GSKIP: variants seen among roughly 807,000 people sequenced by gnomAD.
The protein encoded by GSKIP is GSK3B interacting protein.
Under a neutral mutation model 11.9 loss-of-function variants are expected in GSKIP, and 5 were observed. That is an observed-to-expected ratio of 0.42 (90% CI 0.22 to 0.89). GSKIP has a LOEUF of 0.89. Among genes scored for constraint, GSKIP ranks in the 40% least tolerant of loss-of-function variants. GSKIP has a pLI of 0.29. For synonymous variants in GSKIP, 70 were observed against 62.9 expected (o/e 1.11, Z -0.54); for missense variants, 150 against 166.6 (o/e 0.90, Z 0.55).
chr14:96,374,482 A>G lies in GSKIP; in HGVS notation c.-102-5206A>G, dbSNP rs141346947. ...AGGAACAAAGATAACAATCACATCA[A>G]ATGTTTCATGGGAAACAAGACAAGC... is the stretch of plus-strand genomic sequence containing the variant. On this transcript the variant is annotated intron_variant, in intron 1 of 3. Transcript: ENST00000555181. 6.4e-3 allele frequency among the ~76,000 whole-genome samples: 971 copies of G among 152,290 alleles called. 14 individuals are homozygous for G. The highest frequency in any genetic ancestry group is 0.022 in the African/African-American group (908 of 41,566).
intron 3 of GSKIP, among the ~76,000 whole-genome samples, chr14:96,383,416 T>C (rs1263302066): frequency 6.6e-6 from 1 of 151,882 alleles, no homozygotes; most frequent in Non-Finnish European, 1.5e-5. Flanking sequence ...AAAACTATTA[T>C]AAAATCTTTG....
At chr14:96,377,790 C>G (rs1253556466) in intron 1 of GSKIP, among the ~76,000 whole-genome samples, 1 of 152,162 alleles carries the variant, frequency 6.6e-6, no homozygotes, top group Non-Finnish European at 1.5e-5. Context: ...ATCTGATTAG[C>G]TAGACCACCA....
intron 1 of GSKIP, among the ~76,000 whole-genome samples, chr14:96,368,375 G>A (rs1236221637): frequency 1.3e-5 from 2 of 151,978 alleles, no homozygotes; most frequent in Non-Finnish European, 2.9e-5. Flanking sequence ...TCACCATGTT[G>A]CCCATGCTGG....
At chr14:96,376,664 C>G (rs931577646) in intron 1 of GSKIP, among the ~76,000 whole-genome samples, 1 of 152,168 alleles carries the variant, frequency 6.6e-6, no homozygotes, top group Non-Finnish European at 1.5e-5. Flanking sequence ...ATCTGCCACT[C>G]ACAATTAAGT....
At chr14:96,370,415 A>G (rs375753425) in intron 1 of GSKIP, among the ~76,000 whole-genome samples, 1 of 152,254 alleles carries the variant, frequency 6.6e-6, no homozygotes, top group East Asian at 1.9e-4. Flanking sequence ...TGGCCCCATC[A>G]AGTCTCTTGT....
At chr14:96,375,759 G>T (rs1889183332) in intron 1 of GSKIP, among the ~76,000 whole-genome samples, 1 of 152,210 alleles carries the variant, frequency 6.6e-6, no homozygotes, top group Non-Finnish European at 1.5e-5. Flanking sequence ...AGTAATGGAG[G>T]CTGAGAAGTC....
chr14:96,379,026 T>C (rs183765529), intron 1 of GSKIP: 2 of 152,494 alleles, frequency 1.3e-5, no homozygotes, highest in Non-Finnish European at 2.9e-5. Context: ...CTGATTAAAG[T>C]GACCAAGAAG....
intron 3 of GSKIP, among the ~76,000 whole-genome samples, chr14:96,383,019 G>T: frequency 6.6e-6 from 1 of 152,084 alleles, no homozygotes; most frequent in East Asian, 1.9e-4. Flanking sequence ...TATTATGAGA[G>T]CTTTTCTAGG....
intron 1 of GSKIP, among the ~76,000 whole-genome samples, chr14:96,366,540 TCAAAGA>T (rs765456408): frequency 5.9e-5 from 9 of 152,010 alleles, no homozygotes; most frequent in Non-Finnish European, 1.2e-4. Flanking sequence ...TTGTGTTTTG[TCAAAGA>T]CAAAGTACCT....
chr14:96,382,178 A>T, intron 2 of GSKIP, 69 bp from the exon 3 acceptor site: 1 of 1,100,604 alleles, frequency 9.1e-7, no homozygotes, highest in Non-Finnish European at 1.3e-6. Flanking sequence ...AGCTAATTTT[A>T]ATCAAATGTA....
chr14:96,378,410 AG>A (rs1369298593), intron 1 of GSKIP, among the ~76,000 whole-genome samples: 1 of 152,102 alleles, frequency 6.6e-6, no homozygotes, highest in Non-Finnish European at 1.5e-5. Context: ...AGATTGAGGA[AG>A]GTACCATAAG....
intron 3 of GSKIP, among the ~76,000 whole-genome samples, chr14:96,383,304 T>C (rs1024651489): frequency 2.6e-5 from 4 of 151,596 alleles, no homozygotes; most frequent in African/African-American, 9.7e-5. Flanking sequence ...TCCAGCTACC[T>C]GGGAGGCTTA....
chr14:96,370,282 T>A (rs1595346063), intron 1 of GSKIP, among the ~76,000 whole-genome samples: 1 of 152,210 alleles, frequency 6.6e-6, no homozygotes, highest in East Asian at 1.9e-4. Context: ...GACTTTTGAG[T>A]TGGTGCTAGA....
At chr14:96,371,404 G>A in intron 1 of GSKIP, among the ~76,000 whole-genome samples, 1 of 150,010 alleles carries the variant, frequency 6.7e-6, no homozygotes, top group Non-Finnish European at 1.5e-5. Flanking sequence ...TTCACCATAG[G>A]AAAATTAGAA....
intron 1 of GSKIP, chr14:96,379,130 C>T (rs1205967523): frequency 6.6e-6 from 1 of 152,244 alleles, no homozygotes; most frequent in East Asian, 1.9e-4. Context: ...CAAGCCTGGC[C>T]AACATGGTGA....
At chr14:96,378,243 A>G (rs1245030218) in intron 1 of GSKIP, among the ~76,000 whole-genome samples, 1 of 152,080 alleles carries the variant, frequency 6.6e-6, no homozygotes, top group Non-Finnish European at 1.5e-5. Context: ...AGTCCCAACT[A>G]CTTGGGAGGT....
chr14:96,377,237 A>G (rs143504179), intron 1 of GSKIP, among the ~76,000 whole-genome samples: 1,613 of 152,366 alleles, frequency 0.011, 86 homozygotes, highest in Admixed American at 0.092. Context: ...GGAGGGCAAC[A>G]ATAAAGAACA....
At chr14:96,378,830 G>A (rs1447264998) in intron 1 of GSKIP, 2 of 152,176 alleles carry the variant, frequency 1.3e-5, no homozygotes, top group African/African-American at 4.8e-5. Flanking sequence ...TAAGATAATA[G>A]GAATTTGTTG....
At chr14:96,385,015 AAATT>A (rs1354435693) in intron 3 of GSKIP, among the ~76,000 whole-genome samples, 5 of 152,136 alleles carry the variant, frequency 3.3e-5, no homozygotes, top group Admixed American at 6.6e-5. Flanking sequence ...TATTAAAACT[AAATT>A]ATTAGGAATA....
Sources: allele counts gnomAD v4.1 joint callset (sites outside exome capture counted in the v4.1 genomes callset), GRCh38; gene constraint gnomAD v4.1.1; transcripts MANE v1.5; gene names NCBI Gene and HGNC (gene_info 2026-07-23, HGNC 2026-07-21).